Variants in MIOS observed in about 807,000 individuals in gnomAD.
MIOS encodes the protein meiosis regulator for oocyte development.
In MIOS, 52 loss-of-function variants were observed where a neutral mutation model predicts 96.9. The ratio of observed to expected loss-of-function variants is 0.54; its 90% CI spans 0.43 to 0.68. The LOEUF (loss-of-function observed/expected upper bound fraction) is 0.68, where lower values mean the gene tolerates loss of function less well. Among genes scored for constraint, MIOS ranks in the 30% least tolerant of loss-of-function variants. MIOS has a pLI of 0.00. For synonymous variants in MIOS, 397 were observed against 359.5 expected (o/e 1.10, Z -1.18); for missense variants, 1,005 against 1,052.8 (o/e 0.95, Z 0.63).
At position 7,589,576 on chromosome 7, in the gene MIOS, T is replaced by C. The variant is rs1783988710; in HGVS notation, c.2043+13T>C. The C allele has an allele frequency of 6.4e-7, 1 of 1,564,524 alleles. No homozygotes were observed. Among genetic ancestry groups the C allele is most frequent in the South Asian group, 1.2e-5 (1 of 82,446 alleles). On this transcript the variant is annotated intron_variant, in intron 9 of 12. Transcript: ENST00000340080. ...CTGTATGTTACAGGTCAGTGCAGTT[T>C]GACAGCAGCTTTTAAAAAAGTAACA...
intron 11 of MIOS, among the ~76,000 whole-genome samples, chr7:7,602,612 G>T (rs141603577): frequency 0.1 from 15,468 of 152,150 alleles, 860 homozygotes; most frequent in Middle Eastern, 0.23. Context: ...ATGCTCATGG[G>T]TGGGAAGAAT....
At chr7:7,585,540 A>G in intron 6 of MIOS, 96 bp from the exon 7 acceptor site, 1 of 1,169,704 alleles carries the variant, frequency 8.5e-7, no homozygotes, top group Non-Finnish European at 1.2e-6. Flanking sequence ...TCTGAGGGTA[A>G]AAGTCACCCT....
chr7:7,599,245 C>T (rs1255667802), intron 11 of MIOS, among the ~76,000 whole-genome samples: 2 of 152,108 alleles, frequency 1.3e-5, no homozygotes, highest in Non-Finnish European at 2.9e-5. Flanking sequence ...ATTTATTTCT[C>T]TTATTTATTA....
intron 5 of MIOS, among the ~76,000 whole-genome samples, chr7:7,579,894 TA>T (rs1783656717): frequency 6.6e-6 from 1 of 152,190 alleles, no homozygotes; most frequent in African/African-American, 2.4e-5. Flanking sequence ...TCTCAGAATG[TA>T]TCCCTACTGT....
At chr7:7,585,239 G>C (rs576157550) in intron 6 of MIOS, among the ~76,000 whole-genome samples, 66 of 152,136 alleles carry the variant, frequency 4.3e-4, no homozygotes, top group Non-Finnish European at 5.4e-4. Context: ...ACATATATGG[G>C]AACATACACA....
intron 11 of MIOS, among the ~76,000 whole-genome samples, chr7:7,600,641 A>G (rs1259496270): frequency 2.6e-5 from 4 of 152,166 alleles, no homozygotes; most frequent in Non-Finnish European, 5.9e-5. Context: ...CCCCACTGTC[A>G]ACATTAGACA....
intron 3 of MIOS, among the ~76,000 whole-genome samples, chr7:7,569,152 T>A (rs1783258327): frequency 6.6e-6 from 1 of 152,230 alleles, no homozygotes; most frequent in South Asian, 2.1e-4. Flanking sequence ...TTAAGAGATT[T>A]CCTTTGTGGG....
At chr7:7,577,484 G>A (rs1423821376) in intron 5 of MIOS, among the ~76,000 whole-genome samples, 4 of 152,118 alleles carry the variant, frequency 2.6e-5, no homozygotes, top group Admixed American at 6.6e-5. Context: ...ATCTGGAGCC[G>A]GGAGCTTTGT....
chr7:7,606,917 C>A, intron 12 of MIOS, 79 bp from the exon 13 acceptor site: 1 of 1,148,016 alleles, frequency 8.7e-7, no homozygotes, highest in Non-Finnish European at 1.3e-6. Flanking sequence ...GAGACCCTGT[C>A]TCTTAAAAAA....
rs1475802232 is a variant in MIOS at position 7,596,410 on chromosome 7, C to T, written c.2350C>T (p.Arg784Ter). 1.9e-6 allele frequency: 3 copies of T among 1,614,132 alleles called. No homozygotes were observed. Among genetic ancestry groups the T allele is most frequent in the Non-Finnish European group, 2.5e-6 (3 of 1,180,026 alleles). ...SCPGCRKPLP[R>*]CALCLINMGT... ...TCCTGGCTGTCGAAAACCACTTCCT[C>T]GATGTGCGCTTTGTCTCATTAATAT... Residue 784 changes from arginine to a stop codon, truncating the protein, a stop_gained, in exon 11 of 13, where the codon CGA (arginine) becomes TGA (stop). Coordinates refer to ENST00000340080, the MANE Select transcript of MIOS (RefSeq NM_019005.4). LOFTEE classifies it high-confidence loss of function.
chr7:7,604,186 C>A (rs967678681), intron 11 of MIOS, among the ~76,000 whole-genome samples: 1 of 151,996 alleles, frequency 6.6e-6, no homozygotes, highest in African/African-American at 2.4e-5. Context: ...GCACGTTGTG[C>A]ACATGTACCC....
chr7:7,591,870 C>T (rs1784057670), intron 9 of MIOS, among the ~76,000 whole-genome samples: 1 of 152,032 alleles, frequency 6.6e-6, no homozygotes, highest in Non-Finnish European at 1.5e-5. Context: ...TTCGGTTTTT[C>T]TTCTAGGACT....
chr7:7,585,583 A>C, intron 6 of MIOS, 53 bp from the exon 7 acceptor site: 7 of 1,443,492 alleles, frequency 4.8e-6, no homozygotes, highest in Non-Finnish European at 6.5e-6. Context: ...GAAATGTAGA[A>C]GAGATATTAA....
At chr7:7,599,322 C>G (rs1299876461) in intron 11 of MIOS, among the ~76,000 whole-genome samples, 1 of 152,176 alleles carries the variant, frequency 6.6e-6, no homozygotes, top group African/African-American at 2.4e-5. Flanking sequence ...AGACTTCCCT[C>G]AAGGTGTACA....
intron 11 of MIOS, among the ~76,000 whole-genome samples, chr7:7,596,903 A>T (rs1022911419): frequency 6.6e-6 from 1 of 152,206 alleles, no homozygotes; most frequent in Non-Finnish European, 1.5e-5. Context: ...TATAAAATAC[A>T]TGAGAGAAGG....
At chr7:7,591,254 C>G (rs1784040328) in intron 9 of MIOS, among the ~76,000 whole-genome samples, 2 of 147,716 alleles carry the variant, frequency 1.4e-5, no homozygotes, top group South Asian at 4.3e-4. Flanking sequence ...ATCAGCTGTT[C>G]TTATGCTTGT....
chr7:7,591,952 G>GT (rs931562859), intron 9 of MIOS, among the ~76,000 whole-genome samples: 1 of 148,836 alleles, frequency 6.7e-6, no homozygotes, highest in Non-Finnish European at 1.5e-5. Flanking sequence ...TTCCTTCCAT[G>GT]TTTTTTTTCC....
chr7:7,587,138 G>C (rs1438438235), intron 7 of MIOS, among the ~76,000 whole-genome samples: 1 of 151,964 alleles, frequency 6.6e-6, no homozygotes, highest in Non-Finnish European at 1.5e-5. Flanking sequence ...AGCCTCCCAA[G>C]TAGCTGAGAC....
chr7:7,572,977 A>T lies in MIOS; in HGVS notation c.502A>T (p.Thr168Ser). 6.2e-7 allele frequency: 1 copy of T among 1,614,130 alleles called. No homozygotes were observed. The highest frequency in any genetic ancestry group is 8.5e-7 in the Non-Finnish European group (1 of 1,179,988). ...AAAAGTGAAACTTTCAGCAGGTGAA[A>T]CTGAAACAACATTATTAGTAACAAA... ...MEKVKLSAGE[T>S]ETTLLVTKPL... Residue 168 changes from threonine to serine, a missense_variant, in exon 4 of 13, where the codon ACT becomes TCT. This residue lies in a region of MIOS where 865 missense variants were observed against 887.9 expected (regional missense o/e 0.97). Transcript: ENST00000340080. The surrounding 1 kb of genome is among the most constrained non-coding windows in gnomAD (Gnocchi z 4.8).
Sources: gnomAD v4.1 joint callset for allele counts (sites outside exome capture counted in the v4.1 genomes callset) on GRCh38, gnomAD v4.1.1 for gene constraint, gnomAD v4.1.1 regional missense constraint, Gnocchi (gnomAD v3.1) non-coding constraint, MANE v1.5 for transcripts, NCBI Gene and HGNC (gene_info 2026-07-23, HGNC 2026-07-21) for gene names.